KIF6: variants seen among roughly 807,000 people sequenced by gnomAD.
KIF6 encodes kinesin family member 6.
A neutral mutation model predicts 112.7 loss-of-function variants in KIF6; 106 were observed. The observed-to-expected ratio is 0.94, with a 90% confidence interval of 0.80 to 1.11. The LOEUF is 1.11. KIF6 is among the 50% of genes least tolerant of loss of function. The probability of loss-of-function intolerance (pLI) is 0.00; values close to 1 mark genes in which losing one functional copy is unlikely to be tolerated. For synonymous variants in KIF6, 339 were observed against 339.9 expected (o/e 1.00, Z 0.03); for missense variants, 929 against 964.0 (o/e 0.96, Z 0.48).
At chr6:39,574,225 GATATA>G (rs981887826) in intron 10 of KIF6, among the ~76,000 whole-genome samples, 4 of 152,088 alleles carry the variant, frequency 2.6e-5, no homozygotes, top group South Asian at 2.1e-4. Flanking sequence ...GTTAGTAAAA[GATATA>G]ATATAAATAT....
chr6:39,635,267 C>G (rs1262689175), intron 4 of KIF6, among the ~76,000 whole-genome samples: 1 of 151,792 alleles, frequency 6.6e-6, no homozygotes, highest in Non-Finnish European at 1.5e-5. Context: ...TATAACACAC[C>G]ATTTTTTTTA....
intron 13 of KIF6, among the ~76,000 whole-genome samples, chr6:39,476,539 TG>T (rs1390115324): frequency 1.3e-5 from 2 of 152,120 alleles, no homozygotes; most frequent in Non-Finnish European, 2.9e-5. Context: ...GGGCTCTGGG[TG>T]GACTCTAAGA....
chr6:39,716,329 C>A (rs1789849784), intron 2 of KIF6, among the ~76,000 whole-genome samples: 2 of 142,120 alleles, frequency 1.4e-5, no homozygotes, highest in South Asian at 4.5e-4. Context: ...AAAATGACAT[C>A]CTCCACTATT....
chr6:39,603,541 G>T (rs1247939582), intron 6 of KIF6, among the ~76,000 whole-genome samples: 1 of 150,672 alleles, frequency 6.6e-6, no homozygotes, highest in Non-Finnish European at 1.5e-5. Context: ...TTTTTTTTGT[G>T]GGGGGTGTGT....
intron 3 of KIF6, among the ~76,000 whole-genome samples, chr6:39,677,083 T>G (rs1021951449): frequency 6.6e-6 from 1 of 152,150 alleles, no homozygotes; most frequent in Non-Finnish European, 1.5e-5. Flanking sequence ...CATATCAATA[T>G]GCTTGATTAC....
intron 19 of KIF6, among the ~76,000 whole-genome samples, chr6:39,351,043 C>T (rs902715571): frequency 2.0e-5 from 3 of 152,120 alleles, no homozygotes; most frequent in Admixed American, 2.0e-4. Context: ...AGCCATCTTC[C>T]CCAAGACCCT....
chr6:39,694,125 T>TAAA (rs35365821), intron 3 of KIF6, among the ~76,000 whole-genome samples: 5 of 146,160 alleles, frequency 3.4e-5, no homozygotes, highest in African/African-American at 1.3e-4. Flanking sequence ...CCCTTCATGG[T>TAAA]AAAAAAAAAA....
chr6:39,386,324 T>C (rs1192208348), intron 15 of KIF6, among the ~76,000 whole-genome samples: 1 of 152,126 alleles, frequency 6.6e-6, no homozygotes, highest in East Asian at 1.9e-4. Context: ...ATTCAGAAGA[T>C]GGTGACTGGA....
chr6:39,628,245 CGTGTGT>C (rs140599243), intron 5 of KIF6, among the ~76,000 whole-genome samples: 2 of 149,040 alleles, frequency 1.3e-5, no homozygotes, highest in African/African-American at 2.5e-5. Context: ...TACTCATTTA[CGTGTGT>C]GTGTGTGTGT....
chr6:39,421,805 C>A (rs562226557), intron 14 of KIF6, among the ~76,000 whole-genome samples: 3 of 152,286 alleles, frequency 2.0e-5, no homozygotes, highest in African/African-American at 7.2e-5. Flanking sequence ...AGTACAGTTC[C>A]ACTTGATGCA....
chr6:39,366,185 G>A (rs900799472), intron 16 of KIF6, among the ~76,000 whole-genome samples: 4 of 152,152 alleles, frequency 2.6e-5, no homozygotes, highest in African/African-American at 2.4e-5. Context: ...CTGGGGAGTC[G>A]CTTGAGCCCA....
At chr6:39,683,937 T>C (rs1291027669) in intron 3 of KIF6, among the ~76,000 whole-genome samples, 1 of 152,216 alleles carries the variant, frequency 6.6e-6, no homozygotes, top group Non-Finnish European at 1.5e-5. Flanking sequence ...AGCTCAGTTC[T>C]AAGAAAGACT....
intron 10 of KIF6, among the ~76,000 whole-genome samples, chr6:39,577,190 A>G (rs978987247): frequency 2.6e-5 from 4 of 152,234 alleles, no homozygotes; most frequent in Non-Finnish European, 5.9e-5. Context: ...GTAGGAGTGA[A>G]AGCTTTGACT....
At chr6:39,496,123 G>T (rs371819325) in intron 13 of KIF6, among the ~76,000 whole-genome samples, 139 of 152,178 alleles carry the variant, frequency 9.1e-4, no homozygotes, top group African/African-American at 3.2e-3. Context: ...CCTCTAAACT[G>T]CCTGCTCTGC....
At chr6:39,708,313 G>A (rs747509013) in intron 3 of KIF6, among the ~76,000 whole-genome samples, 4 of 152,182 alleles carry the variant, frequency 2.6e-5, no homozygotes, top group African/African-American at 7.2e-5. Context: ...AGAGGGTAGC[G>A]TCCCTTTACA....
intron 5 of KIF6, among the ~76,000 whole-genome samples, chr6:39,619,959 C>T (rs755505893): frequency 6.6e-6 from 1 of 152,144 alleles, no homozygotes; most frequent in African/African-American, 2.4e-5. Context: ...CATGCCCTAA[C>T]AATATCACTT....
intron 22 of KIF6, among the ~76,000 whole-genome samples, chr6:39,337,231 CTTTCTTTT>C (rs1763070672): frequency 3.1e-5 from 3 of 95,714 alleles, no homozygotes; most frequent in Non-Finnish European, 5.6e-5. Context: ...TTCTTTCTTT[CTTTCTTTT>C]TCTTTCTTTT....
intron 5 of KIF6, chr6:39,617,588 A>G (rs1783586918): frequency 5.3e-6 from 2 of 374,568 alleles, no homozygotes; most frequent in African/African-American, 2.1e-5. Flanking sequence ...AGGGGGTGCT[A>G]TTCACATCAT....
Position 39,596,143 on chromosome 6 carries a change from C to G in KIF6, c.757G>C (p.Gly253Arg). Residue 253 changes from glycine (G) to arginine (R), a missense_variant, in exon 7 of 23, where the codon GGT becomes CGT. Gly to Arg is a moderately radical substitution (Grantham distance 125). Coordinates refer to ENST00000287152, the MANE Select transcript of KIF6 (RefSeq NM_145027.6). ...CCAGTCTTTGCAACTCGCTCTGAACCAGCCAGGTCAACCAGATGGAGTTTG... is the reference window on the plus strand; with the variant it reads ...CCAGTCTTTGCAACTCGCTCTGAACGAGCCAGGTCAACCAGATGGAGTTTG... ...HAKLHLVDLA[G>R]SERVAKTGVG... 3 of 1,613,998 alleles carry G rather than the reference C, an allele frequency of 1.9e-6. No homozygotes were observed. The highest frequency in any genetic ancestry group is 2.5e-6 in the Non-Finnish European group (3 of 1,179,966).
Sources: gnomAD v4.1 joint callset for allele counts (sites outside exome capture counted in the v4.1 genomes callset) on GRCh38, gnomAD v4.1.1 for gene constraint, MANE v1.5 for transcripts, NCBI Gene and HGNC (gene_info 2026-07-23, HGNC 2026-07-21) for gene names.